Variants in TECPR2 observed in about 807,000 individuals in gnomAD.
The protein encoded by TECPR2 is tectonin beta-propeller repeat containing 2.
Under a neutral mutation model 138.1 loss-of-function variants are expected in TECPR2, and 65 were observed. The ratio of observed to expected loss-of-function variants is 0.47; its 90% confidence interval spans 0.39 to 0.58. TECPR2 has a LOEUF of 0.58. TECPR2 is among the 20% of genes least tolerant of loss of function. TECPR2 has a pLI of 0.00. For synonymous variants in TECPR2, 746 were observed against 749.8 expected, an observed-to-expected ratio of 0.99 and a Z score of 0.08; for missense variants, 1,553 against 1,824.5, an observed-to-expected ratio of 0.85 and a Z score of 2.71.
rs150645913 is a variant in TECPR2 at position 102,376,774 on chromosome 14, A to G, written c.53A>G (p.Tyr18Cys). ...VTFREFCPLY[Y>C]LLNAIPTKIQ... ...TTCAGAGAGTTCTGCCCGTTGTACT[A>G]TCTCCTCAATGCCATTCCGACAAAG... The change falls in exon 2 of 20, where the codon TAT becomes TGT. Residue 18 changes from tyrosine (Y) to cysteine (C), a missense_variant. Tyr to Cys is a radical substitution (Grantham distance 194). Coordinates refer to ENST00000359520, the MANE Select transcript of TECPR2 (RefSeq NM_014844.5). 3.7e-5 allele frequency: 59 copies of G among 1,614,176 alleles called. No homozygotes were observed. The highest frequency in any genetic ancestry group is 2.9e-4 in the East Asian group (13 of 44,884).
At chr14:102,395,957 A>G (rs749360801) in intron 2 of TECPR2, among the ~76,000 whole-genome samples, 1 of 152,180 alleles carries the variant, frequency 6.6e-6, no homozygotes, top group East Asian at 1.9e-4. Flanking sequence ...CAGGTAGATT[A>G]TGGATAACAA....
Position 102,440,474 on chromosome 14 carries a change from G to C in TECPR2, c.2617G>C (p.Ala873Pro), listed in dbSNP as rs755300630. 1 of 1,614,050 alleles carries C rather than the reference G, an allele frequency of 6.2e-7. No individual in the cohort carries two copies. Among genetic ancestry groups the C allele is most frequent in the African/African-American group, 1.3e-5 (1 of 74,940 alleles). ...GAAGATTGAACAGAAATCTAACCGG[G>C]CTTTTGCTTGTGGGAAAGTCACCAT... The part of the protein sequence containing the change: ...LWKIEQKSNR[A>P]FACGKVTIKG... The change falls in exon 11 of 20, where the codon GCT becomes CCT. Residue 873 changes from alanine to proline, a missense_variant. Coordinates refer to ENST00000359520, the MANE Select transcript of TECPR2 (RefSeq NM_014844.5).
intron 17 of TECPR2, among the ~76,000 whole-genome samples, chr14:102,470,872 G>A (rs1345928318): frequency 2.0e-5 from 3 of 149,296 alleles, no homozygotes; most frequent in Non-Finnish European, 3.0e-5. Flanking sequence ...AGGCTGGAGT[G>A]CAGTGGCACG....
At chr14:102,492,104 G>T (rs1342656256) in intron 17 of TECPR2, among the ~76,000 whole-genome samples, 1 of 152,228 alleles carries the variant, frequency 6.6e-6, no homozygotes, top group Non-Finnish European at 1.5e-5. Context: ...AGAATGACTT[G>T]CTCTTCCTCT....
At chr14:102,369,777 TA>T (rs1297745218) in intron 1 of TECPR2, among the ~76,000 whole-genome samples, 1 of 148,274 alleles carries the variant, frequency 6.7e-6, no homozygotes, top group Non-Finnish European at 1.5e-5. Flanking sequence ...CCGTCTCTAC[TA>T]AAAAAAACAA....
At chr14:102,432,937 G>T (rs1889550434) in intron 8 of TECPR2, among the ~76,000 whole-genome samples, 1 of 150,498 alleles carries the variant, frequency 6.6e-6, no homozygotes, top group Admixed American at 6.6e-5. Flanking sequence ...CTGGGAGGCA[G>T]AGGATGCAGT....
intron 5 of TECPR2, among the ~76,000 whole-genome samples, chr14:102,417,417 G>T (rs529723812): frequency 6.6e-6 from 1 of 152,330 alleles, no homozygotes; most frequent in African/African-American, 2.4e-5. Context: ...CAAACACAAT[G>T]AGAGAGACTG....
At chr14:102,469,913 A>C (rs1460647276) in intron 17 of TECPR2, among the ~76,000 whole-genome samples, 1 of 152,154 alleles carries the variant, frequency 6.6e-6, no homozygotes, top group Non-Finnish European at 1.5e-5. Flanking sequence ...TATATGTTGA[A>C]ACACAGTTTC....
chr14:102,492,774 C>T (rs956867667), intron 17 of TECPR2, among the ~76,000 whole-genome samples: 4 of 152,200 alleles, frequency 2.6e-5, no homozygotes, highest in African/African-American at 4.8e-5. Context: ...CGTGTGTGTC[C>T]GGAAGGGACG....
chr14:102,463,297 A>G (rs35232598), intron 16 of TECPR2, among the ~76,000 whole-genome samples: 32,594 of 151,030 alleles, frequency 0.22, 3,910 homozygotes, highest in Middle Eastern at 0.3. Flanking sequence ...GGTGCCTGTA[A>G]TCCCAGCTAC....
intron 16 of TECPR2, among the ~76,000 whole-genome samples, chr14:102,460,095 AC>A (rs902004308): frequency 2.0e-5 from 3 of 151,874 alleles, no homozygotes; most frequent in African/African-American, 7.3e-5. Context: ...ACATAGCAAA[AC>A]CCTGTCTCTA....
In TECPR2 at chr14:102,362,981, G is replaced by A; in HGVS notation, c.-208G>A. The A allele has an allele frequency of 7.9e-7, 1 of 1,270,134 alleles. No homozygotes were observed. 78.7% of individuals were successfully genotyped at this position (1,270,134 alleles called of 1,614,324 possible). On this transcript the variant is annotated 5_prime_UTR_variant, in exon 1 of 20. Transcript: ENST00000359520. ...GCTCTAGCCCCCGGCGGAGCCAGCTGCTGCTCTTCGGTGCTGGCCCCGGTG... is the reference window on the plus strand; with the variant it reads ...GCTCTAGCCCCCGGCGGAGCCAGCTACTGCTCTTCGGTGCTGGCCCCGGTG...
At position 102,452,621 on chromosome 14, in the gene TECPR2, C is replaced by G; in HGVS notation, c.3634C>G (p.Gln1212Glu). ...GCACTGGACCAGGCTGGACCTCTCC[C>G]AGCTAGGTACGGCCACCTCGTGAGT... ...GMHWTRLDLS[Q>E]LGAVKLTSLA... Residue 1212 changes from glutamine (Q) to glutamate (E), a missense_variant, in exon 16 of 20, where the codon CAG becomes GAG. Transcript: ENST00000359520. The G allele has an allele frequency of 6.3e-7, 1 of 1,589,944 alleles. No homozygotes were observed. Among genetic ancestry groups the G allele is most frequent in the Non-Finnish European group, 8.6e-7 (1 of 1,168,892 alleles).
intron 2 of TECPR2, among the ~76,000 whole-genome samples, chr14:102,377,901 A>G (rs1166202392): frequency 1.3e-5 from 2 of 152,352 alleles, no homozygotes; most frequent in African/African-American, 4.8e-5. Flanking sequence ...GCTCATTGCC[A>G]GAATATGCAC....
intron 16 of TECPR2, among the ~76,000 whole-genome samples, chr14:102,460,185 G>A (rs1019839806): frequency 4.6e-5 from 7 of 151,880 alleles, no homozygotes; most frequent in African/African-American, 7.3e-5. Context: ...CACAAGAATC[G>A]CTTGAACCCG....
intron 2 of TECPR2, among the ~76,000 whole-genome samples, chr14:102,406,555 T>G (rs945051493): frequency 2.1e-5 from 3 of 143,444 alleles, no homozygotes; most frequent in African/African-American, 7.8e-5. Context: ...AAAAAAAAAT[T>G]AAAATTGGGG....
chr14:102,490,437 C>T (rs1683879257), intron 17 of TECPR2, among the ~76,000 whole-genome samples: 1 of 152,228 alleles, frequency 6.6e-6, no homozygotes, highest in African/African-American at 2.4e-5. Context: ...AGGACCAGGC[C>T]TCTCTGTTAC....
chr14:102,430,401 A>C (rs149111300), intron 7 of TECPR2, among the ~76,000 whole-genome samples: 1 of 152,338 alleles, frequency 6.6e-6, no homozygotes, highest in African/African-American at 2.4e-5. Context: ...GTCGCTTCAC[A>C]GCAGAGTCCT....
At chr14:102,413,098 A>G (rs1348227976) in intron 4 of TECPR2, among the ~76,000 whole-genome samples, 2 of 152,138 alleles carry the variant, frequency 1.3e-5, no homozygotes, top group Admixed American at 1.3e-4. Flanking sequence ...CTGTCTCAAA[A>G]AAAAGGTTTG....
Sources: gnomAD v4.1 joint callset for allele counts (sites outside exome capture counted in the v4.1 genomes callset) on GRCh38, gnomAD v4.1.1 for gene constraint, MANE v1.5 for transcripts, NCBI Gene and HGNC (gene_info 2026-07-23, HGNC 2026-07-21) for gene names.